Variants in BCL2L13 observed in about 807,000 individuals in gnomAD.
BCL2L13 encodes the protein BCL2 like 13, also known as bcl-2-like protein 13.
BCL2L13 carries 13 observed loss-of-function variants against 25.8 expected under a neutral mutation model. That is an observed-to-expected ratio of 0.50 (90% CI 0.33 to 0.80). The LOEUF (loss-of-function observed/expected upper bound fraction) is 0.80, where lower values mean the gene tolerates loss of function less well. Ranked by LOEUF, BCL2L13 falls within the 30% of genes least tolerant of loss-of-function variation. The pLI is 0.02. For missense variants in BCL2L13, 504 were observed against 574.9 expected, an observed-to-expected ratio of 0.88 and a Z score of 1.26; for synonymous variants, 244 against 230.3, an observed-to-expected ratio of 1.06 and a Z score of -0.54.
chr22:17,644,737 T>C (rs942804327), intron 1 of BCL2L13, among the ~76,000 whole-genome samples: 18 of 151,520 alleles, frequency 1.2e-4, no homozygotes, highest in African/African-American at 4.2e-4. Flanking sequence ...TTTCGTTCTG[T>C]GAGGTTAGAG....
At chr22:17,634,793 A>G (rs965824419), upstream of BCL2L13, among the ~76,000 whole-genome samples, 1 of 151,994 alleles carries the variant, frequency 6.6e-6, no homozygotes, top group African/African-American at 2.4e-5. Flanking sequence ...AAAAAAATTA[A>G]ATAAATTAGC....
At chr22:17,685,210 G>A (rs568100191) in intron 3 of BCL2L13, among the ~76,000 whole-genome samples, 1 of 151,484 alleles carries the variant, frequency 6.6e-6, no homozygotes, top group South Asian at 2.1e-4. Context: ...TTTTTACTTA[G>A]CATAATGTAT....
chr22:17,720,353 T>A (rs1825580849), intron 6 of BCL2L13, among the ~76,000 whole-genome samples: 1 of 151,938 alleles, frequency 6.6e-6, no homozygotes, highest in Non-Finnish European at 1.5e-5. Context: ...ATTTTTTAAA[T>A]TTTTTAATTT....
Position 17,727,386 on chromosome 22 carries a change from C to T in BCL2L13, c.1310C>T (p.Ser437Phe). 6.2e-7 allele frequency: 1 copy of T among 1,614,232 alleles called. No individual in the cohort carries two copies. Among genetic ancestry groups the T allele is most frequent in the Non-Finnish European group, 8.5e-7 (1 of 1,180,040 alleles). ...PASEKKPVPP[S>F]EGKSRLSPAG... ...AGCGAGAAGAAGCCCGTGCCGCCGT[C>T]TGAGGGCAAGTCTAGACTGTCCCCC... Residue 437 changes from serine (S) to phenylalanine (F), a missense_variant, in exon 7 of 7, where the codon TCT becomes TTT. Coordinates refer to ENST00000317582, the MANE Select transcript of BCL2L13 (RefSeq NM_015367.4).
chr22:17,697,403 A>T (rs1163800825), intron 5 of BCL2L13, among the ~76,000 whole-genome samples: 1 of 152,188 alleles, frequency 6.6e-6, no homozygotes, highest in Non-Finnish European at 1.5e-5. Flanking sequence ...GCGCCATTGC[A>T]TTCCAGCCTA....
At chr22:17,683,567 C>G (rs560457580) in intron 3 of BCL2L13, among the ~76,000 whole-genome samples, 7 of 152,148 alleles carry the variant, frequency 4.6e-5, no homozygotes, top group Admixed American at 4.6e-4. Context: ...TGTTAAGTAT[C>G]GGATAAATGA....
At chr22:17,669,001 AAAG>A (rs1282775601) in intron 2 of BCL2L13, among the ~76,000 whole-genome samples, 2 of 151,460 alleles carry the variant, frequency 1.3e-5, no homozygotes, top group African/African-American at 2.4e-5. Flanking sequence ...TTTATAAAGA[AAAG>A]AAGTTTATTT....
Position 17,726,961 on chromosome 22 carries a change from A to G in BCL2L13, c.885A>G (p.Gly295=), listed in dbSNP as rs1601814660. The G allele has an allele frequency of 6.2e-7, 1 of 1,614,218 alleles. No individual in the cohort carries two copies. Among genetic ancestry groups the G allele is most frequent in the East Asian group, 2.2e-5 (1 of 44,890 alleles). Residue 295 remains glycine, a synonymous_variant, in exon 7 of 7, where the codon GGA becomes GGG. Transcript: ENST00000317582. ...EVKSLDSNGA[G]EKSENNSSNS... ...AAAGCTTAGACAGCAACGGAGCTGG[A>G]GAGAAGAGTGAGAACAACTCCTCTA...
intron 3 of BCL2L13, among the ~76,000 whole-genome samples, chr22:17,687,899 C>T (rs1192195348): frequency 6.9e-6 from 1 of 145,576 alleles, no homozygotes; most frequent in African/African-American, 2.5e-5. Flanking sequence ...CTCGCTGCAA[C>T]CTCTATCTCC....
rs1186930629 is a variant in BCL2L13, at chr22:17,696,043, A to G, written c.387-98A>G. 8.5e-6 allele frequency: 7 copies of G among 826,276 alleles called. No individual in the cohort carries two copies. The African/African-American group carries it at 1.2e-4, about 14-fold the overall frequency. 51.2% of individuals were successfully genotyped at this position (826,276 alleles called of 1,614,324 possible). A position where few individuals can be genotyped will look rare whatever the true frequency, so the allele number is the denominator to read the frequency against. ...TATGTTGAATAATCTTTGTCAGTTT[A>G]GCAAAAAGTTCAACAGAGTAGTGAC... is the stretch of plus-strand genomic sequence containing the variant. On this transcript the variant is annotated intron_variant, in intron 4 of 6. Transcript: ENST00000317582.
chr22:17,651,578 C>T (rs377426538), intron 1 of BCL2L13, among the ~76,000 whole-genome samples: 10 of 150,218 alleles, frequency 6.7e-5, no homozygotes, highest in Admixed American at 3.3e-4. Context: ...GACGGGTTTT[C>T]ACCATGTTGG....
intron 6 of BCL2L13, among the ~76,000 whole-genome samples, chr22:17,713,440 C>T (rs905226542): frequency 3.3e-5 from 5 of 150,132 alleles, no homozygotes; most frequent in African/African-American, 9.8e-5. Context: ...ATAAATAAAC[C>T]CATCATAAGT....
At chr22:17,710,863 C>T (rs1045886095) in intron 6 of BCL2L13, among the ~76,000 whole-genome samples, 27 of 151,124 alleles carry the variant, frequency 1.8e-4, no homozygotes, top group Admixed American at 1.3e-3. Flanking sequence ...GGCGACAGAG[C>T]GAGACTCCGT....
chr22:17,668,561 C>G (rs369613917), intron 2 of BCL2L13, among the ~76,000 whole-genome samples: 3 of 150,766 alleles, frequency 2.0e-5, no homozygotes, highest in Non-Finnish European at 4.4e-5. Flanking sequence ...TCAAGCAATT[C>G]TCCTGCCTCA....
intron 3 of BCL2L13, among the ~76,000 whole-genome samples, chr22:17,685,073 C>T (rs907852608): frequency 2.6e-5 from 4 of 151,942 alleles, no homozygotes; most frequent in Non-Finnish European, 4.4e-5. Flanking sequence ...AAGGTTTCTC[C>T]ATGTTGCTCA....
upstream of BCL2L13, among the ~76,000 whole-genome samples, chr22:17,637,204 C>T (rs1429552674): frequency 6.6e-6 from 1 of 151,880 alleles, no homozygotes; most frequent in Non-Finnish European, 1.5e-5. Flanking sequence ...GTCAGGAGTT[C>T]AAGACCAGCC....
intron 2 of BCL2L13, among the ~76,000 whole-genome samples, chr22:17,656,292 A>G (rs1437806371): frequency 7.3e-6 from 1 of 136,930 alleles, no homozygotes; most frequent in Non-Finnish European, 1.5e-5. Flanking sequence ...CATTCTTTCC[A>G]TTTCCAGAAG....
At chr22:17,714,229 C>G (rs932895863) in intron 6 of BCL2L13, among the ~76,000 whole-genome samples, 2 of 151,470 alleles carry the variant, frequency 1.3e-5, no homozygotes, top group East Asian at 3.9e-4. Flanking sequence ...GGAGGTGGAG[C>G]TTGGAGTGAG....
intron 6 of BCL2L13, chr22:17,706,730 C>A (rs2060602531): frequency 2.2e-6 from 3 of 1,350,802 alleles, no homozygotes; most frequent in Non-Finnish European, 2.9e-6. Context: ...GTCATCCTTG[C>A]TCCCTCCCTC....
Sources: allele counts gnomAD v4.1 joint callset (sites outside exome capture counted in the v4.1 genomes callset), GRCh38; gene constraint gnomAD v4.1.1; transcripts MANE v1.5; gene names NCBI Gene and HGNC (gene_info 2026-07-23, HGNC 2026-07-21).